The following CUL5 variants were observed in gnomAD, a reference collection of about 807,000 sequenced individuals.
CUL5 encodes cullin 5.
In CUL5, 26 loss-of-function variants were observed where a neutral mutation model predicts 108.8. The observed-to-expected ratio is 0.24, with a 90% confidence interval of 0.18 to 0.33. The LOEUF is 0.33. Ranked by LOEUF, CUL5 falls within the 10% of genes least tolerant of loss-of-function variation. The pLI is 1.00. For synonymous variants in CUL5, 334 were observed against 298.0 expected (o/e 1.12, Z -1.25); for missense variants, 524 against 909.2 (o/e 0.58, Z 5.45).
In CUL5 at chr11:108,107,565, G is replaced by A. The variant is rs959068725; in HGVS notation, c.*3181G>A. On this transcript the variant is annotated 3_prime_UTR_variant, in exon 19 of 19. Transcript: ENST00000393094. ...ACAAATTTATTTTAGTTTCTAAGTT[G>A]TAATCTATCCTCATATGGTCTATAC... The A allele has an allele frequency of 1.3e-5, 2 of 152,570 alleles. No homozygotes were observed. The highest frequency in any genetic ancestry group is 2.9e-5 in the Non-Finnish European group (2 of 68,008). 9.5% of individuals were successfully genotyped at this position (152,570 alleles called of 1,614,324 possible).
At chr11:108,062,576 AAT>A (rs1863566252) in intron 7 of CUL5, among the ~76,000 whole-genome samples, 1 of 149,324 alleles carries the variant, frequency 6.7e-6, no homozygotes, top group Non-Finnish European at 1.5e-5. Context: ...TTATTTTATA[AAT>A]ATAAAATATT....
In CUL5 at chr11:108,060,707, C is replaced by T. The variant is rs1273962188; in HGVS notation, c.780+5752C>T. Among the ~76,000 whole-genome samples the T allele has an allele frequency of 3.9e-5, 6 of 151,966 alleles. No homozygotes were observed. In the South Asian group the frequency reaches 1.2e-3, roughly 32 times the overall value. On this transcript the variant is annotated intron_variant, in intron 7 of 18. Transcript: ENST00000393094. The stretch of plus-strand genomic sequence containing the variant: ...AAAAAATTACCCGGGCATGGTGGTG[C>T]GTGCCTGTAATCTCAGCTACTCGGG...
In CUL5 at chr11:108,055,667, G is replaced by C. The variant is rs532122708; in HGVS notation, c.780+712G>C. Among the ~76,000 whole-genome samples, 9 of 151,066 alleles carry C rather than the reference G, an allele frequency of 6.0e-5. No homozygotes were observed. In the South Asian group the frequency reaches 1.2e-3, roughly 21 times the overall value. On this transcript the variant is annotated intron_variant, in intron 7 of 18. Transcript: ENST00000393094. ...TTTTTTTGAGACAAGGGCTCTCTCT[G>C]TTGCCCAGGCTGGAGTGCAGTGGTG...
chr11:108,022,495 A>G (rs954518778), intron 1 of CUL5, among the ~76,000 whole-genome samples: 4 of 151,198 alleles, frequency 2.6e-5, no homozygotes, highest in African/African-American at 7.2e-5. Context: ...ATGCACTCCT[A>G]AATTTCAGTG....
chr11:108,068,237 G>C lies in CUL5; in HGVS notation c.781-1859G>C, dbSNP rs182501160. On this transcript the variant is annotated intron_variant, in intron 7 of 18. Coordinates refer to ENST00000393094, the MANE Select transcript of CUL5 (RefSeq NM_003478.6). ...CCCAGCCATGTGTATTATTTTCTTAGGACAGAAATATACATGGATATATGC... is the reference window on the plus strand; with the variant it reads ...CCCAGCCATGTGTATTATTTTCTTACGACAGAAATATACATGGATATATGC... Among the ~76,000 whole-genome samples the C allele has an allele frequency of 1.6e-3, 250 of 152,212 alleles. 2 individuals are homozygous for C. Among genetic ancestry groups the C allele is most frequent in the African/African-American group, 5.8e-3 (240 of 41,548 alleles).
intron 1 of CUL5, among the ~76,000 whole-genome samples, chr11:108,017,992 A>G (rs1353099691): frequency 6.6e-6 from 1 of 152,174 alleles, no homozygotes; most frequent in South Asian, 2.1e-4. Context: ...GCCAGATCCT[A>G]TAGCTTTCCT....
At chr11:108,093,947 C>G (rs1016404059) in intron 13 of CUL5, among the ~76,000 whole-genome samples, 3 of 152,234 alleles carry the variant, frequency 2.0e-5, no homozygotes, top group African/African-American at 7.2e-5. Context: ...AAGTGATCCT[C>G]CTGCTTCAGC....
intron 1 of CUL5, among the ~76,000 whole-genome samples, chr11:108,026,954 A>T (rs1862465142): frequency 6.9e-6 from 1 of 145,560 alleles, no homozygotes; most frequent in Non-Finnish European, 1.5e-5. Flanking sequence ...ACGCCACTGC[A>T]CTCCAGCCTG....
At chr11:108,095,420 G>T in intron 15 of CUL5, 110 bp from the exon 16 acceptor site, 1 of 695,462 alleles carries the variant, frequency 1.4e-6, no homozygotes. Flanking sequence ...TACTGTGAAA[G>T]AGTGGATACT....
At chr11:108,024,910 C>G (rs932748076) in intron 1 of CUL5, among the ~76,000 whole-genome samples, 2 of 152,238 alleles carry the variant, frequency 1.3e-5, no homozygotes, top group African/African-American at 2.4e-5. Flanking sequence ...CCTGTTACCA[C>G]CCTGTCTTTC....
intron 18 of CUL5, among the ~76,000 whole-genome samples, chr11:108,099,905 A>AT (rs1864608157): frequency 3.7e-4 from 56 of 150,956 alleles, no homozygotes; most frequent in Admixed American, 1.4e-3. Context: ...ACAAAAAAAA[A>AT]ATTTTTTTTT....
Position 108,095,515 on chromosome 11 carries a change from T to C in CUL5, c.1744-15T>C. 6.6e-7 allele frequency: 1 copy of C among 1,508,332 alleles called. No homozygotes were observed. Among genetic ancestry groups the C allele is most frequent in the African/African-American group, 1.4e-5 (1 of 71,074 alleles). The allele number at this position is 1,508,332 out of a possible 1,614,324, so 93.4% of individuals were successfully genotyped here. On this transcript the variant is annotated splice_polypyrimidine_tract_variant and intron_variant, in intron 15 of 18. Transcript: ENST00000393094. Reference sequence around the variant, plus strand: ...CATGAGATTCTTTATTAAAAATCTGTTTTATCTATTATAGATAACATTTAA... The same window carrying C: ...CATGAGATTCTTTATTAAAAATCTGCTTTATCTATTATAGATAACATTTAA...
At chr11:108,015,494 G>C (rs1325275135) in intron 1 of CUL5, among the ~76,000 whole-genome samples, 2 of 152,222 alleles carry the variant, frequency 1.3e-5, no homozygotes, top group African/African-American at 4.8e-5. Context: ...TCATTGGGTT[G>C]ATAGAAATTG....
chr11:108,098,411 A>G lies in CUL5; in HGVS notation c.2030A>G (p.Asn677Ser). 1 of 1,602,016 alleles carries G rather than the reference A, an allele frequency of 6.2e-7. No individual in the cohort carries two copies. The highest frequency in any genetic ancestry group is 8.5e-7 in the Non-Finnish European group (1 of 1,175,998). Residue 677 changes from asparagine (N) to serine (S), a missense_variant, in exon 18 of 19, where the codon AAT becomes AGT. Physicochemically the swap from Asn to Ser is conservative, Grantham distance 46 (BLOSUM62 1). This residue lies in a region of CUL5 where 66 missense variants were observed against 81.4 expected (regional missense o/e 0.81). Coordinates refer to ENST00000393094, the MANE Select transcript of CUL5 (RefSeq NM_003478.6). ...TGATGCAATTCTTTTTGTAGAAAAA[A>G]TGCAAAGGTTCAGAAAAGGGGTAAA... ...SVNQEFSLIK[N>S]AKVQKRGKIN...
intron 1 of CUL5, among the ~76,000 whole-genome samples, chr11:108,026,850 A>G (rs1257471841): frequency 6.6e-6 from 1 of 151,872 alleles, no homozygotes; most frequent in Non-Finnish European, 1.5e-5. Context: ...TTGGCTGGGC[A>G]TGGTGGCGGG....
intron 11 of CUL5, among the ~76,000 whole-genome samples, chr11:108,081,237 G>A (rs1215932679): frequency 2.0e-5 from 3 of 152,034 alleles, no homozygotes; most frequent in African/African-American, 7.2e-5. Context: ...GCAGTGAGCC[G>A]AGATCGTGCC....
intron 18 of CUL5, among the ~76,000 whole-genome samples, chr11:108,102,471 C>T (rs534474026): frequency 6.6e-6 from 1 of 152,158 alleles, no homozygotes; most frequent in African/African-American, 2.4e-5. Context: ...GGACCACAGG[C>T]GCGTGCCACC....
Position 108,013,208 on chromosome 11 carries a change from G to A in CUL5, c.24+3836G>A, listed in dbSNP as rs539357427. Among the ~76,000 whole-genome samples, 3 of 151,900 alleles carry A rather than the reference G, an allele frequency of 2.0e-5. No homozygotes were observed. The South Asian group carries it at 6.2e-4, about 32-fold the overall frequency. ...CTTGGTCTTCTCTCTCTCAAATCAC[G>A]TTTGTTTTTCACTGACTTCCCTCCC... On this transcript the variant is annotated intron_variant, in intron 1 of 18. Coordinates refer to ENST00000393094, the MANE Select transcript of CUL5 (RefSeq NM_003478.6).
chr11:108,092,249 G>T (rs1864380732), intron 13 of CUL5, among the ~76,000 whole-genome samples: 1 of 152,210 alleles, frequency 6.6e-6, no homozygotes, highest in African/African-American at 2.4e-5. Context: ...ACCTTCGTAA[G>T]TTGCTAGTGG....
Sources: allele counts gnomAD v4.1 joint callset (sites outside exome capture counted in the v4.1 genomes callset), GRCh38; gene constraint gnomAD v4.1.1; regional missense constraint gnomAD v4.1.1; transcripts MANE v1.5; gene names NCBI Gene and HGNC (gene_info 2026-07-23, HGNC 2026-07-21).